NXN: variants seen among roughly 807,000 people sequenced by gnomAD.
NXN encodes the protein nucleoredoxin 1.
A neutral mutation model predicts 48.6 loss-of-function variants in NXN; 16 were observed. The ratio of observed to expected loss-of-function variants is 0.33; its 90% CI spans 0.22 to 0.50. The LOEUF (loss-of-function observed/expected upper bound fraction) is 0.50, where lower values mean the gene tolerates loss of function less well. Ranked by LOEUF, NXN falls within the 20% of genes least tolerant of loss-of-function variation. The probability of loss-of-function intolerance (pLI) is 0.98; values close to 1 mark genes in which losing one functional copy is unlikely to be tolerated. For synonymous variants in NXN, 281 were observed against 269.6 expected, an observed-to-expected ratio of 1.04 and a Z score of -0.41; for missense variants, 492 against 605.5, an observed-to-expected ratio of 0.81 and a Z score of 1.97.
chr17:851,684 G>A (rs1331400044), intron 1 of NXN, among the ~76,000 whole-genome samples: 1 of 152,132 alleles, frequency 6.6e-6, no homozygotes, highest in Non-Finnish European at 1.5e-5. Flanking sequence ...TCCTCACTCC[G>A]ATGCTTATTT....
intron 1 of NXN, among the ~76,000 whole-genome samples, chr17:881,391 A>C (rs947745068): frequency 6.6e-6 from 1 of 152,048 alleles, no homozygotes; most frequent in Non-Finnish European, 1.5e-5. Context: ...GCGTACCACC[A>C]CACTCGAAAA....
At chr17:811,351 G>A (rs1911988533) in intron 5 of NXN, among the ~76,000 whole-genome samples, 1 of 152,244 alleles carries the variant, frequency 6.6e-6, no homozygotes, top group Non-Finnish European at 1.5e-5. Context: ...AAACCTCCCT[G>A]CAAAGAGTGC....
intron 1 of NXN, among the ~76,000 whole-genome samples, chr17:853,702 C>CATAAATATATATAT (rs2067949814): frequency 2.5e-5 from 3 of 119,304 alleles, no homozygotes; most frequent in African/African-American, 1.1e-4. Flanking sequence ...CTGTTATACA[C>CATAAATATATATAT]ATATATATAT....
chr17:976,415 T>A (rs981985392), intron 1 of NXN, among the ~76,000 whole-genome samples: 2 of 152,212 alleles, frequency 1.3e-5, no homozygotes, highest in African/African-American at 2.4e-5. Flanking sequence ...TACCCTTTGT[T>A]ATCCCAATGG....
intron 1 of NXN, among the ~76,000 whole-genome samples, chr17:957,579 C>G (rs1181915768): frequency 1.3e-5 from 2 of 151,496 alleles, no homozygotes; most frequent in Non-Finnish European, 2.9e-5. Flanking sequence ...TTGCAGTGAG[C>G]CAAGATCAAG....
chr17:825,913 G>C lies in NXN; in HGVS notation c.478+48C>G, dbSNP rs1394068466. 1 of 1,212,302 alleles carries C rather than the reference G, an allele frequency of 8.2e-7. No homozygotes were observed. The highest frequency in any genetic ancestry group is 1.3e-5 in the South Asian group (1 of 74,640). The allele number at this position is 1,212,302 out of a possible 1,614,324, so 75.1% of individuals were successfully genotyped here. ...GAGATTAGCCTAAGGGCATGGAGGA[G>C]GGAGGGCTGGGTAATAAGAGGACCA... is the stretch of plus-strand genomic sequence containing the variant. On this transcript the variant is annotated intron_variant, in intron 2 of 7. Transcript: ENST00000336868. The surrounding 1 kb of genome is among the most constrained non-coding windows in gnomAD (Gnocchi z 4.1).
intron 5 of NXN, among the ~76,000 whole-genome samples, chr17:808,920 G>A (rs998244106): frequency 3.3e-5 from 5 of 151,878 alleles, no homozygotes; most frequent in African/African-American, 9.7e-5. Flanking sequence ...CAAGTGATCT[G>A]CCCGCCTCGG....
At chr17:880,384 G>T (rs746728619) in intron 1 of NXN, among the ~76,000 whole-genome samples, 2 of 152,130 alleles carry the variant, frequency 1.3e-5, no homozygotes, top group African/African-American at 4.8e-5. Flanking sequence ...CCACATAAAA[G>T]GAGAAAACGT....
At chr17:844,086 G>T (rs866573220) in intron 1 of NXN, among the ~76,000 whole-genome samples, 2 of 141,494 alleles carry the variant, frequency 1.4e-5, no homozygotes, top group Admixed American at 7.1e-5. Context: ...AGGCGGTGGA[G>T]ACCAGGCCAT....
At chr17:957,585 T>TTG (rs2069186179) in intron 1 of NXN, among the ~76,000 whole-genome samples, 1 of 147,790 alleles carries the variant, frequency 6.8e-6, no homozygotes, top group African/African-American at 2.5e-5. Flanking sequence ...TGAGCCAAGA[T>TTG]CAAGCCACTG....
intron 5 of NXN, among the ~76,000 whole-genome samples, chr17:810,718 C>T (rs775017392): frequency 3.3e-5 from 5 of 152,070 alleles, no homozygotes; most frequent in South Asian, 2.1e-4. Flanking sequence ...GGTGAAACCC[C>T]GTCTCTACTA....
chr17:976,625 C>T (rs768114363), intron 1 of NXN, among the ~76,000 whole-genome samples: 2 of 152,174 alleles, frequency 1.3e-5, no homozygotes, highest in African/African-American at 2.4e-5. Flanking sequence ...GGGAGAACTC[C>T]GGCTCTTCAC....
chr17:800,700 C>A lies in NXN; in HGVS notation c.*249G>T, dbSNP rs1371548235. On this transcript the variant is annotated 3_prime_UTR_variant, in exon 8 of 8. Transcript: ENST00000336868. ...ACTTTGCGAAAGCCATGCAGCCCCG[C>A]TCTGGCCGGGCCCCCGGCCATCCCG... The A allele has an allele frequency of 2.9e-5, 10 of 342,110 alleles. No individual in the cohort carries two copies. In the East Asian group the frequency reaches 4.4e-4, roughly 15 times the overall value. The allele number at this position is 342,110 out of a possible 1,614,324, so 21.2% of individuals were successfully genotyped here.
intron 1 of NXN, among the ~76,000 whole-genome samples, chr17:885,665 G>C (rs2068337186): frequency 7.8e-6 from 1 of 127,772 alleles, no homozygotes; most frequent in African/African-American, 2.9e-5. Context: ...GGGGGCTGCG[G>C]TACTCGCTTT....
intron 1 of NXN, among the ~76,000 whole-genome samples, chr17:878,662 A>G (rs1490119326): frequency 6.6e-6 from 1 of 151,952 alleles, no homozygotes; most frequent in Admixed American, 6.6e-5. Context: ...AGACAGGGTG[A>G]GACTGGAAGT....
intron 1 of NXN, among the ~76,000 whole-genome samples, chr17:965,972 T>C (rs765595434): frequency 2.0e-5 from 3 of 151,662 alleles, no homozygotes; most frequent in Non-Finnish European, 2.9e-5. Context: ...AACAATTAGC[T>C]GGGTGTGGTG....
rs1437272280 is a variant in NXN at position 917,105 on chromosome 17, G to T, written c.360+62214C>A. On this transcript the variant is annotated intron_variant, in intron 1 of 7. Transcript: ENST00000336868. This position sits in a 1 kb window ranked among gnomAD's most constrained non-coding sequence, Gnocchi z 4.5. ...CAAACATCCGCTTTGCCTCCAACAA[G>T]ATTCCCTGTTCCTAAGTGAACCAAG... Among the ~76,000 whole-genome samples, 1 of 151,920 alleles carries T rather than the reference G, an allele frequency of 6.6e-6. No homozygotes were observed. Among genetic ancestry groups the T allele is most frequent in the Admixed American group, 6.6e-5 (1 of 15,266 alleles).
At chr17:972,463 A>T (rs560178949) in intron 1 of NXN, among the ~76,000 whole-genome samples, 86 of 151,780 alleles carry the variant, frequency 5.7e-4, no homozygotes, top group Admixed American at 8.5e-4. Flanking sequence ...GCAGAGCGAG[A>T]CTCCATCTGA....
Position 979,762 on chromosome 17 carries a change from G to GGC in NXN, c.-86_-85dup, listed in dbSNP as rs2069517703. On this transcript the variant is annotated 5_prime_UTR_variant, in exon 1 of 8. Transcript: ENST00000336868. The stretch of plus-strand genomic sequence containing the variant: ...GGAGGAGGCGGCGGCGTCGGCGGCA[G>GGC]GCGCTGGGGAGAGCAGAGCCCGGCC... 1 of 1,161,802 alleles carries GGC rather than the reference G, an allele frequency of 8.6e-7. No individual in the cohort carries two copies. The highest frequency in any genetic ancestry group is 1.1e-6 in the Non-Finnish European group (1 of 919,048). 72.0% of individuals were successfully genotyped at this position (1,161,802 alleles called of 1,614,324 possible). A position where few individuals can be genotyped will look rare whatever the true frequency, so the allele number is the denominator to read the frequency against.
Sources: allele counts gnomAD v4.1 joint callset (sites outside exome capture counted in the v4.1 genomes callset), GRCh38; gene constraint gnomAD v4.1.1; non-coding constraint Gnocchi (gnomAD v3.1); transcripts MANE v1.5; gene names NCBI Gene and HGNC (gene_info 2026-07-23, HGNC 2026-07-21).